SHOC2: variants seen among roughly 807,000 people sequenced by gnomAD.
SHOC2 encodes leucine-rich repeat protein SHOC-2.
In SHOC2, 4 loss-of-function variants were observed where a neutral mutation model predicts 50.2. That is an observed-to-expected ratio of 0.08 (90% CI 0.04 to 0.18). SHOC2 has a LOEUF of 0.18. Among genes scored for constraint, SHOC2 ranks in the 10% least tolerant of loss-of-function variants. The pLI, the probability that SHOC2 is intolerant of heterozygous loss-of-function variation, is 1.00. For missense variants in SHOC2, 388 were observed against 669.6 expected (o/e 0.58, Z 4.64); for synonymous variants, 218 against 244.5 (o/e 0.89, Z 1.01).
chr10:111,000,689 G>C (rs916105304), intron 4 of SHOC2, 144 bp downstream of exon 4: 1 of 717,196 alleles, frequency 1.4e-6, no homozygotes, highest in East Asian at 2.7e-5. Flanking sequence ...TACCACCACC[G>C]CTGAAGTAAC....
chr10:110,936,746 T>C, intron 1 of SHOC2: 2 of 965,464 alleles, frequency 2.1e-6, no homozygotes, highest in East Asian at 2.4e-5. Context: ...GATTTTGGCT[T>C]TCTCTTTCCT....
chr10:111,009,118 A>G, intron 6 of SHOC2, 130 bp from the exon 7 acceptor site: 1 of 533,160 alleles, frequency 1.9e-6, no homozygotes, highest in Non-Finnish European at 3.3e-6. Context: ...TATATGTTAT[A>G]TAATTGAACA....
intron 6 of SHOC2, among the ~76,000 whole-genome samples, 155 bp from the exon 7 acceptor site, chr10:111,009,093 G>T (rs907343933): frequency 6.6e-6 from 1 of 151,760 alleles, no homozygotes; most frequent in Non-Finnish European, 1.5e-5. Flanking sequence ...TTTTAGAAAA[G>T]TAAGTTAAAT....
chr10:110,984,289 A>G (rs1848037829), intron 2 of SHOC2, among the ~76,000 whole-genome samples: 1 of 152,174 alleles, frequency 6.6e-6, no homozygotes, highest in Non-Finnish European at 1.5e-5. Flanking sequence ...GCCCACTTGT[A>G]TATCGTTAGA....
At chr10:110,989,473 G>A (rs1009719728) in intron 3 of SHOC2, among the ~76,000 whole-genome samples, 4 of 152,228 alleles carry the variant, frequency 2.6e-5, no homozygotes, top group African/African-American at 7.2e-5. Flanking sequence ...GTTCTTGCAT[G>A]TGTGTAGCTT....
intron 2 of SHOC2, among the ~76,000 whole-genome samples, chr10:110,976,856 C>T (rs1847887811): frequency 6.6e-6 from 1 of 151,964 alleles, no homozygotes; most frequent in African/African-American, 2.4e-5. Context: ...CTTACTTGGT[C>T]ATTTTTTTTC....
chr10:110,968,175 G>T (rs1349177613), intron 2 of SHOC2, among the ~76,000 whole-genome samples: 3 of 152,074 alleles, frequency 2.0e-5, no homozygotes, highest in Non-Finnish European at 4.4e-5. Flanking sequence ...GTGTGAATTG[G>T]TATCTCATTG....
At chr10:110,980,922 A>G (rs1590816332) in intron 2 of SHOC2, among the ~76,000 whole-genome samples, 1 of 152,088 alleles carries the variant, frequency 6.6e-6, no homozygotes, top group East Asian at 1.9e-4. Context: ...TCCCCACTCC[A>G]TGCACACTAC....
intron 3 of SHOC2, among the ~76,000 whole-genome samples, chr10:110,997,904 T>C (rs537549382): frequency 9.2e-5 from 14 of 152,294 alleles, no homozygotes; most frequent in Non-Finnish European, 1.8e-4. Flanking sequence ...ATTGTCCCTA[T>C]TTTTGCCATT....
intron 1 of SHOC2, among the ~76,000 whole-genome samples, chr10:110,922,479 A>G (rs1160696882): frequency 6.6e-6 from 1 of 152,084 alleles, no homozygotes; most frequent in Non-Finnish European, 1.5e-5. Context: ...TTTTTGTAAA[A>G]ATATTTAAAT....
intron 1 of SHOC2, among the ~76,000 whole-genome samples, chr10:110,920,369 G>T (rs1184700618): frequency 3.3e-5 from 5 of 152,024 alleles, no homozygotes; most frequent in Non-Finnish European, 7.4e-5. Context: ...ACTCTTCCCC[G>T]ACTTCCCCAG....
At chr10:110,919,766 G>C (rs1337853686) in intron 1 of SHOC2, 109 bp downstream of exon 1, 2 of 394,992 alleles carry the variant, frequency 5.1e-6, no homozygotes, top group Non-Finnish European at 8.9e-6. Flanking sequence ...GGCCCCGTGC[G>C]CCCTGACAGG....
chr10:111,012,003 A>G lies in SHOC2; in HGVS notation c.*185A>G. Reference sequence around the variant, plus strand: ...TTTTTAAATTCTGTACAAAAGGCTTATATAAGTTTTCTTTGCTGAATTTGA... The same window carrying G: ...TTTTTAAATTCTGTACAAAAGGCTTGTATAAGTTTTCTTTGCTGAATTTGA... On this transcript the variant is annotated 3_prime_UTR_variant, in exon 9 of 9. Transcript: ENST00000369452. 1 of 598,144 alleles carries G rather than the reference A, an allele frequency of 1.7e-6. No individual in the cohort carries two copies. Among genetic ancestry groups the G allele is most frequent in the Non-Finnish European group, 2.9e-6 (1 of 341,134 alleles). The allele number at this position is 598,144 out of a possible 1,614,324, so 37.1% of individuals were successfully genotyped here.
intron 1 of SHOC2, among the ~76,000 whole-genome samples, chr10:110,954,097 C>G (rs967223267): frequency 1.3e-5 from 2 of 151,134 alleles, no homozygotes; most frequent in African/African-American, 4.9e-5. Flanking sequence ...AAAATAAGTC[C>G]ATTGTTTTTG....
chr10:111,002,473 G>A (rs1171902369), intron 4 of SHOC2, among the ~76,000 whole-genome samples: 1 of 152,160 alleles, frequency 6.6e-6, no homozygotes, highest in African/African-American at 2.4e-5. Flanking sequence ...TTATTTTAAT[G>A]TAGGTGTATA....
At chr10:111,006,111 G>C (rs1336806145) in intron 5 of SHOC2, among the ~76,000 whole-genome samples, 4 of 152,136 alleles carry the variant, frequency 2.6e-5, no homozygotes, top group Non-Finnish European at 5.9e-5. Context: ...CAATGGTTCA[G>C]GTGTTCATTA....
At chr10:110,921,699 G>C (rs1846655475) in intron 1 of SHOC2, among the ~76,000 whole-genome samples, 1 of 152,062 alleles carries the variant, frequency 6.6e-6, no homozygotes, top group Non-Finnish European at 1.5e-5. Context: ...TATACTCTTA[G>C]TTATTTTAAA....
At chr10:110,927,755 G>C (rs1393272749) in intron 1 of SHOC2, among the ~76,000 whole-genome samples, 1 of 152,190 alleles carries the variant, frequency 6.6e-6, no homozygotes, top group Non-Finnish European at 1.5e-5. Flanking sequence ...GTCAGGCTTT[G>C]TGTTGGGCAC....
intron 3 of SHOC2, among the ~76,000 whole-genome samples, chr10:110,986,595 TC>T (rs1158554843): frequency 6.6e-6 from 1 of 152,128 alleles, no homozygotes; most frequent in Non-Finnish European, 1.5e-5. Context: ...TGCTTCAGCC[TC>T]CTGAGTAGCT....
Sources: allele counts gnomAD v4.1 joint callset (sites outside exome capture counted in the v4.1 genomes callset), GRCh38; gene constraint gnomAD v4.1.1; transcripts MANE v1.5; gene names NCBI Gene and HGNC (gene_info 2026-07-23, HGNC 2026-07-21).